The following RAPGEF2 variants were observed in gnomAD, a reference collection of about 807,000 sequenced individuals.
RAPGEF2 encodes the protein Rap guanine nucleotide exchange factor 2.
Under a neutral mutation model 186.7 loss-of-function variants are expected in RAPGEF2, and 54 were observed. The observed-to-expected ratio is 0.29, with a 90% CI of 0.23 to 0.36. The LOEUF (loss-of-function observed/expected upper bound fraction) is 0.36. RAPGEF2 is among the 10% of genes least tolerant of loss of function. RAPGEF2 has a pLI of 1.00. For synonymous variants in RAPGEF2, 712 were observed against 705.9 expected (o/e 1.01, Z -0.14); for missense variants, 1,532 against 2,045.0 (o/e 0.75, Z 4.84).
intron 1 of RAPGEF2, among the ~76,000 whole-genome samples, chr4:159,135,247 T>C (rs1410424095): frequency 1.3e-5 from 2 of 152,268 alleles, no homozygotes; most frequent in Middle Eastern, 3.4e-3. Flanking sequence ...TGTTTCACCA[T>C]GTTGCCCAAG....
intron 7 of RAPGEF2, among the ~76,000 whole-genome samples, chr4:159,268,406 C>G (rs891223638): frequency 6.6e-6 from 1 of 152,050 alleles, no homozygotes; most frequent in African/African-American, 2.4e-5. Flanking sequence ...AAATTTGAAG[C>G]AAGACCAGCA....
At chr4:159,107,491 A>G (rs1034093282) in intron 1 of RAPGEF2, among the ~76,000 whole-genome samples, 3 of 152,172 alleles carry the variant, frequency 2.0e-5, no homozygotes, top group African/African-American at 7.2e-5. Flanking sequence ...CATCTATTGC[A>G]AAACTGTTTC....
At chr4:159,259,383 C>G (rs1344727718) in intron 7 of RAPGEF2, among the ~76,000 whole-genome samples, 2 of 152,176 alleles carry the variant, frequency 1.3e-5, no homozygotes, top group African/African-American at 4.8e-5. Context: ...ATATTTGCAG[C>G]AGTTATGGAC....
At chr4:159,323,935 C>A (rs182619732) in intron 11 of RAPGEF2, among the ~76,000 whole-genome samples, 106 of 150,194 alleles carry the variant, frequency 7.1e-4, no homozygotes, top group African/African-American at 2.5e-3. Flanking sequence ...GAGTCTCTGT[C>A]TCCCAGGCTG....
intron 7 of RAPGEF2, among the ~76,000 whole-genome samples, chr4:159,252,218 A>C (rs886371968): frequency 6.6e-5 from 10 of 152,012 alleles, no homozygotes; most frequent in Admixed American, 3.3e-4. Context: ...GAGCCAGCAC[A>C]CTCGTGTTTT....
At chr4:159,125,822 G>C (rs1286047136) in intron 1 of RAPGEF2, among the ~76,000 whole-genome samples, 1 of 151,920 alleles carries the variant, frequency 6.6e-6, no homozygotes, top group Non-Finnish European at 1.5e-5. Context: ...TTATCAATAT[G>C]TGTTAAGAAA....
In RAPGEF2 at chr4:159,339,360, T is replaced by C; in HGVS notation, c.2534+6T>C. 4 of 1,610,150 alleles carry C rather than the reference T, an allele frequency of 2.5e-6. No individual in the cohort carries two copies. The highest frequency in any genetic ancestry group is 3.4e-6 in the Non-Finnish European group (4 of 1,177,194). ...AGAATACAACTGAGTGGAAGGTATATATTATCTACCTTACTGGATTTCTTT... is the reference window on the plus strand; with the variant it reads ...AGAATACAACTGAGTGGAAGGTATACATTATCTACCTTACTGGATTTCTTT... On this transcript the variant is annotated splice_donor_region_variant and intron_variant, in intron 19 of 29. Coordinates refer to ENST00000691494, the MANE Select transcript of RAPGEF2 (RefSeq NM_001394067.2).
chr4:159,212,662 T>A (rs907384216), intron 4 of RAPGEF2, among the ~76,000 whole-genome samples: 1 of 152,196 alleles, frequency 6.6e-6, no homozygotes, highest in African/African-American at 2.4e-5. Flanking sequence ...TTCCACAATT[T>A]AGTTAATAAT....
chr4:159,122,286 C>G (rs1238391518), intron 1 of RAPGEF2, among the ~76,000 whole-genome samples: 1 of 151,878 alleles, frequency 6.6e-6, no homozygotes, highest in South Asian at 2.1e-4. Context: ...TGAGACCAGC[C>G]TGACCAACAT....
intron 10 of RAPGEF2, among the ~76,000 whole-genome samples, 163 bp from the exon 11 acceptor site, chr4:159,323,296 G>A (rs1765484935): frequency 6.6e-6 from 1 of 152,118 alleles, no homozygotes; most frequent in Non-Finnish European, 1.5e-5. Context: ...ATGTGGCTGT[G>A]TTTTATTCCT....
chr4:159,260,057 G>A (rs1756627009), intron 7 of RAPGEF2, among the ~76,000 whole-genome samples: 1 of 151,972 alleles, frequency 6.6e-6, no homozygotes, highest in Admixed American at 6.6e-5. Flanking sequence ...GAGTGCAGTG[G>A]TGCAGTCACG....
intron 1 of RAPGEF2, 31 bp downstream of exon 1, chr4:159,104,262 CG>C: frequency 8.6e-7 from 1 of 1,156,132 alleles, no homozygotes; most frequent in Non-Finnish European, 1.1e-6. Flanking sequence ...TGCCCTTGGC[CG>C]GATTTCTGCC....
At chr4:159,127,158 C>T (rs1740415440) in intron 1 of RAPGEF2, among the ~76,000 whole-genome samples, 1 of 152,172 alleles carries the variant, frequency 6.6e-6, no homozygotes, top group Admixed American at 6.5e-5. Context: ...TCCTGAGTAG[C>T]TGGGATTACA....
rs1418328213 is a variant in RAPGEF2 at position 159,297,648 on chromosome 4, T to C, written c.544-6694T>C. Among the ~76,000 whole-genome samples, 4 of 138,536 alleles carry C rather than the reference T, an allele frequency of 2.9e-5. No homozygotes were observed. The East Asian group carries it at 5.8e-4, about 20-fold the overall frequency. The allele number at this position is 138,536 out of a possible 152,430, so 90.9% of individuals were successfully genotyped here. ...TAATATGTAGACTTTTGGGGAAATA[T>C]ATAGTAAGTGAACTACCATAATGGT... On this transcript the variant is annotated intron_variant, in intron 7 of 29. Transcript: ENST00000691494.
chr4:159,217,258 T>G (rs1163909164), intron 4 of RAPGEF2, among the ~76,000 whole-genome samples: 1 of 152,192 alleles, frequency 6.6e-6, no homozygotes, highest in African/African-American at 2.4e-5. Flanking sequence ...TGGGTTTGAT[T>G]GAACCCATCA....
intron 17 of RAPGEF2, chr4:159,332,938 G>A (rs1014300654): frequency 6.7e-6 from 2 of 298,550 alleles, no homozygotes; most frequent in Non-Finnish European, 1.2e-5. Context: ...TATTTTTTGG[G>A]GGTTTGGACT....
chr4:159,231,409 A>G (rs1344496028), intron 4 of RAPGEF2, among the ~76,000 whole-genome samples: 5 of 152,116 alleles, frequency 3.3e-5, no homozygotes, highest in Non-Finnish European at 7.4e-5. Flanking sequence ...TATGTATATA[A>G]TATATTCTCA....
intron 3 of RAPGEF2, among the ~76,000 whole-genome samples, chr4:159,193,700 AT>A (rs1748348352): frequency 1.3e-5 from 2 of 152,348 alleles, no homozygotes; most frequent in Middle Eastern, 3.4e-3. Context: ...TTTCGATAAT[AT>A]TAATATTCTT....
intron 1 of RAPGEF2, among the ~76,000 whole-genome samples, chr4:159,135,040 A>AT (rs1011599146): frequency 2.0e-5 from 3 of 151,546 alleles, no homozygotes; most frequent in Admixed American, 6.6e-5. Flanking sequence ...CATTTCTTTA[A>AT]TTTTTTTTCC....
Sources: gnomAD v4.1 joint callset for allele counts (sites outside exome capture counted in the v4.1 genomes callset) on GRCh38, gnomAD v4.1.1 for gene constraint, MANE v1.5 for transcripts, NCBI Gene and HGNC (gene_info 2026-07-23, HGNC 2026-07-21) for gene names.